Variants in SORBS2 observed in about 807,000 individuals in gnomAD.
The protein encoded by SORBS2 is sorbin and SH3 domain containing 2, also known as sorbin and SH3 domain-containing protein 2.
SORBS2 carries 46 observed loss-of-function variants against 97.7 expected under a neutral mutation model. The observed-to-expected ratio is 0.47, with a 90% CI of 0.37 to 0.60. The LOEUF (loss-of-function observed/expected upper bound fraction) is 0.60, where lower values mean the gene tolerates loss of function less well. Ranked by LOEUF, SORBS2 falls within the 20% of genes least tolerant of loss-of-function variation. SORBS2 has a pLI of 0.00. For missense variants in SORBS2, 1,316 were observed against 1,282.3 expected (o/e 1.03, Z -0.40); for synonymous variants, 476 against 473.4 (o/e 1.01, Z -0.07).
At chr4:185,758,817 C>T (rs998495569) in intron 2 of SORBS2, among the ~76,000 whole-genome samples, 1 of 152,214 alleles carries the variant, frequency 6.6e-6, no homozygotes, top group African/African-American at 2.4e-5. Flanking sequence ...GTGCCTTCTG[C>T]CCCCAGATGG....
chr4:185,955,042 A>G (rs532415256), intron 1 of SORBS2, among the ~76,000 whole-genome samples: 1 of 152,218 alleles, frequency 6.6e-6, no homozygotes, highest in Non-Finnish European at 1.5e-5. Context: ...TTCTTTTAGA[A>G]AAATAACTAC....
At chr4:185,635,923 G>A (rs1022017190) in intron 4 of SORBS2, among the ~76,000 whole-genome samples, 5 of 152,058 alleles carry the variant, frequency 3.3e-5, no homozygotes, top group African/African-American at 9.6e-5. Context: ...TAGTGACACC[G>A]TCTCAGCTCA....
chr4:185,606,114 T>C lies in SORBS2; in HGVS notation c.2796+5666A>G. 1 of 985,444 alleles carries C rather than the reference T, an allele frequency of 1.0e-6. No homozygotes were observed. The highest frequency in any genetic ancestry group is 1.2e-6 in the Non-Finnish European group (1 of 829,924). 61.0% of individuals were successfully genotyped at this position (985,444 alleles called of 1,614,324 possible). A position where few individuals can be genotyped will look rare whatever the true frequency, so the allele number is the denominator to read the frequency against. On this transcript the variant is annotated intron_variant, in intron 12 of 14. Transcript: ENST00000418609. This position sits in a 1 kb window ranked among gnomAD's most constrained non-coding sequence, Gnocchi z 4.3. ...TTATTATTTTTGCAAAGTGCCGTTA[T>C]GTCAAAGGTATGGTGTACAGTTTCT... is the stretch of plus-strand genomic sequence containing the variant.
intron 1 of SORBS2, among the ~76,000 whole-genome samples, chr4:185,805,306 T>TA (rs2099148589): frequency 6.6e-6 from 1 of 152,166 alleles, no homozygotes; most frequent in African/African-American, 2.4e-5. Context: ...TTCTGATTTT[T>TA]AAAAAATCAG....
At chr4:185,780,303 C>T (rs186172789) in intron 1 of SORBS2, among the ~76,000 whole-genome samples, 171 of 152,286 alleles carry the variant, frequency 1.1e-3, no homozygotes, top group African/African-American at 3.8e-3. Flanking sequence ...GCGTGAGCCA[C>T]TGCACCTGGC....
chr4:185,857,839 C>G (rs2099221439), intron 1 of SORBS2, among the ~76,000 whole-genome samples: 1 of 152,176 alleles, frequency 6.6e-6, no homozygotes, highest in African/African-American at 2.4e-5. Flanking sequence ...TCTAGTCAGA[C>G]CAGTTGTCTG....
At chr4:185,756,447 C>T (rs552580945) in intron 2 of SORBS2, among the ~76,000 whole-genome samples, 40 of 152,172 alleles carry the variant, frequency 2.6e-4, no homozygotes, top group African/African-American at 7.7e-4. Flanking sequence ...AACTCATTCT[C>T]CAGAAAGAAA....
intron 6 of SORBS2, among the ~76,000 whole-genome samples, chr4:185,625,808 C>A (rs1288823201): frequency 6.6e-6 from 1 of 152,220 alleles, no homozygotes; most frequent in Non-Finnish European, 1.5e-5. Context: ...AGAGTCCAAT[C>A]ATCACGACCA....
At chr4:185,890,438 T>C (rs2099241892) in intron 1 of SORBS2, among the ~76,000 whole-genome samples, 1 of 152,210 alleles carries the variant, frequency 6.6e-6, no homozygotes, top group South Asian at 2.1e-4. Context: ...GGCTCAGTAC[T>C]GTTTGAGTGT....
intron 2 of SORBS2, among the ~76,000 whole-genome samples, chr4:185,681,561 A>G (rs1459825888): frequency 6.6e-6 from 1 of 152,184 alleles, no homozygotes; most frequent in East Asian, 1.9e-4. Flanking sequence ...TCTTTAGTAG[A>G]CAGTCACTGC....
chr4:185,688,321 A>T (rs903631831), intron 2 of SORBS2, among the ~76,000 whole-genome samples: 2 of 152,156 alleles, frequency 1.3e-5, no homozygotes, highest in African/African-American at 4.8e-5. Context: ...AAATAGGAAT[A>T]TATATTTTTA....
chr4:185,773,770 G>C (rs2098985471), intron 2 of SORBS2: 1 of 152,184 alleles, frequency 6.6e-6, no homozygotes. Context: ...AAGAAGAAGG[G>C]AACAAATGTC....
intron 2 of SORBS2, among the ~76,000 whole-genome samples, chr4:185,687,377 G>A (rs1447995992): frequency 6.6e-6 from 1 of 152,004 alleles, no homozygotes. Context: ...ATGTACAATC[G>A]AATTCTAAGG....
At chr4:185,778,450 G>T (rs749114580) in intron 1 of SORBS2, among the ~76,000 whole-genome samples, 1 of 152,002 alleles carries the variant, frequency 6.6e-6, no homozygotes, top group African/African-American at 2.4e-5. Flanking sequence ...TGTTAGAAAC[G>T]CAAAACCTCA....
chr4:185,880,966 G>A (rs2099236560), intron 1 of SORBS2, among the ~76,000 whole-genome samples: 1 of 152,130 alleles, frequency 6.6e-6, no homozygotes, highest in Admixed American at 6.5e-5. Flanking sequence ...AAGAACAGAA[G>A]AGGGGATGGG....
At chr4:185,870,133 C>A (rs1163421515) in intron 1 of SORBS2, among the ~76,000 whole-genome samples, 2 of 152,176 alleles carry the variant, frequency 1.3e-5, no homozygotes, top group Non-Finnish European at 2.9e-5. Context: ...CTTATTGGGC[C>A]ATTGTATGCT....
intron 2 of SORBS2, among the ~76,000 whole-genome samples, chr4:185,724,750 C>T (rs1320326523): frequency 6.6e-6 from 1 of 152,194 alleles, no homozygotes; most frequent in Non-Finnish European, 1.5e-5. Context: ...CATGGACGCT[C>T]ATGCTGTTTC....
At chr4:185,826,464 C>A (rs1327792769) in intron 1 of SORBS2, among the ~76,000 whole-genome samples, 1 of 152,142 alleles carries the variant, frequency 6.6e-6, no homozygotes, top group African/African-American at 2.4e-5. Flanking sequence ...TTTCTTTGCC[C>A]TGTGCATTAT....
chr4:185,673,049 ATGTCCT>A (rs2097737490), intron 4 of SORBS2, among the ~76,000 whole-genome samples: 1 of 152,198 alleles, frequency 6.6e-6, no homozygotes, highest in South Asian at 2.1e-4. Context: ...AAAAAGATGG[ATGTCCT>A]GCCACATGCT....
Sources: gnomAD v4.1 joint callset for allele counts (sites outside exome capture counted in the v4.1 genomes callset) on GRCh38, gnomAD v4.1.1 for gene constraint, Gnocchi (gnomAD v3.1) non-coding constraint, MANE v1.5 for transcripts, NCBI Gene and HGNC (gene_info 2026-07-23, HGNC 2026-07-21) for gene names.